RALGAPA1: variants seen among roughly 807,000 people sequenced by gnomAD.
RALGAPA1 encodes the protein Ral GTPase activating protein catalytic subunit alpha 1, also known as ral GTPase-activating protein subunit alpha-1.
Under a neutral mutation model 269.6 loss-of-function variants are expected in RALGAPA1, and 52 were observed. That is an observed-to-expected ratio of 0.19 (90% CI 0.15 to 0.24). RALGAPA1 has a LOEUF of 0.24. Ranked by LOEUF, RALGAPA1 falls within the 10% of genes least tolerant of loss-of-function variation. The pLI is 1.00. For synonymous variants in RALGAPA1, 817 were observed against 1,008.3 expected, an observed-to-expected ratio of 0.81 and a Z score of 3.60; for missense variants, 1,917 against 3,013.9, an observed-to-expected ratio of 0.64 and a Z score of 8.52.
intron 26 of RALGAPA1, among the ~76,000 whole-genome samples, chr14:35,668,482 CAA>C (rs1337456931): frequency 3.2e-5 from 4 of 126,188 alleles, no homozygotes; most frequent in Non-Finnish European, 5.1e-5. Context: ...GATTTTGTCT[CAA>C]AAAAAAAAAA....
At chr14:35,806,468 C>T (rs1044283585) in intron 1 of RALGAPA1, among the ~76,000 whole-genome samples, 1 of 152,124 alleles carries the variant, frequency 6.6e-6, no homozygotes, top group African/African-American at 2.4e-5. Context: ...TATCAATAAA[C>T]ATACCAGATT....
rs754846574 is a variant in RALGAPA1 at position 35,627,102 on chromosome 14, G to A, written c.6845C>T (p.Ser2282Phe). Reference sequence around the variant, plus strand: ...CCCTTATGCTTACCGTTTGTCCCAGGAATTCATTCCCAATATACTAAGAAG... The same window carrying A: ...CCCTTATGCTTACCGTTTGTCCCAGAAATTCATTCCCAATATACTAAGAAG... ...RLLLSILGMN[S>F]WDKRRSFHLL... Residue 2282 changes from serine to phenylalanine, a missense_variant, in exon 34 of 42, where the codon TCC becomes TTC. By Grantham distance (155) the Ser-to-Phe change is radical. Transcript: ENST00000680220. The A allele has an allele frequency of 9.8e-6, 15 of 1,527,980 alleles. No individual in the cohort carries two copies. Among genetic ancestry groups the A allele is most frequent in the East Asian group, 2.3e-5 (1 of 43,210 alleles). The allele number at this position is 1,527,980 out of a possible 1,614,324, so 94.7% of individuals were successfully genotyped here.
In RALGAPA1 at chr14:35,572,716, C is replaced by T; in HGVS notation, c.7212G>A (p.Leu2404=). 1 of 1,596,534 alleles carries T rather than the reference C, an allele frequency of 6.3e-7. No homozygotes were observed. The highest frequency in any genetic ancestry group is 8.5e-7 in the Non-Finnish European group (1 of 1,172,912). Residue 2404 remains leucine (L), a splice_region_variant and synonymous_variant, in exon 38 of 42, where the codon TTG becomes TTA. Coordinates refer to ENST00000680220, the MANE Select transcript of RALGAPA1 (RefSeq NM_001346249.2). The part of the protein sequence containing the change: ...SDSDDSLTKK[L]RHLGNDEVHI... ...GCACTTCATCATTTCCCAAATGTCT[C>T]AACTGGAAAGACAAGAAAACAATTT...
At chr14:35,544,481 G>A (rs951725499) in intron 41 of RALGAPA1, among the ~76,000 whole-genome samples, 3 of 152,142 alleles carry the variant, frequency 2.0e-5, no homozygotes, top group African/African-American at 4.8e-5. Flanking sequence ...GTACAGTACC[G>A]AGCACAGTGT....
At chr14:35,655,030 T>G (rs1237109112) in intron 29 of RALGAPA1, among the ~76,000 whole-genome samples, 1 of 152,222 alleles carries the variant, frequency 6.6e-6, no homozygotes, top group Non-Finnish European at 1.5e-5. Context: ...ACACGCAGTT[T>G]ATATTATATA....
intron 10 of RALGAPA1, among the ~76,000 whole-genome samples, chr14:35,743,591 C>T (rs2071771517): frequency 6.6e-6 from 1 of 152,102 alleles, no homozygotes; most frequent in Non-Finnish European, 1.5e-5. Flanking sequence ...TCAAGTGGTT[C>T]TCCTGCCTCT....
At chr14:35,768,186 C>T (rs1453849749) in intron 4 of RALGAPA1, among the ~76,000 whole-genome samples, 2 of 152,156 alleles carry the variant, frequency 1.3e-5, no homozygotes, top group East Asian at 3.9e-4. Context: ...GATCCTCCTG[C>T]CTCAGCCTCC....
intron 27 of RALGAPA1, among the ~76,000 whole-genome samples, chr14:35,660,971 G>A (rs2063502298): frequency 6.6e-6 from 1 of 152,100 alleles, no homozygotes; most frequent in African/African-American, 2.4e-5. Context: ...GGGAGTGGGT[G>A]AAACAGGAAA....
At chr14:35,671,621 G>A (rs1044660887) in intron 25 of RALGAPA1, 104 bp from the exon 26 acceptor site, 1 of 552,604 alleles carries the variant, frequency 1.8e-6, no homozygotes, top group Non-Finnish European at 3.2e-6. Flanking sequence ...AATAAAAAAG[G>A]TAATTACTGT....
chr14:35,663,393 T>C (rs1406326588), intron 27 of RALGAPA1, among the ~76,000 whole-genome samples: 1 of 151,998 alleles, frequency 6.6e-6, no homozygotes, highest in Non-Finnish European at 1.5e-5. Context: ...AACTGGACTT[T>C]TTAAAACTTG....
At chr14:35,680,940 G>C (rs1441619074) in intron 21 of RALGAPA1, among the ~76,000 whole-genome samples, 1 of 152,006 alleles carries the variant, frequency 6.6e-6, no homozygotes, top group African/African-American at 2.4e-5. Context: ...ATCTATAATG[G>C]CTCACTTACT....
intron 32 of RALGAPA1, among the ~76,000 whole-genome samples, chr14:35,635,243 T>G (rs2061596741): frequency 6.6e-6 from 1 of 152,094 alleles, no homozygotes; most frequent in African/African-American, 2.4e-5. Flanking sequence ...TAAATTATAC[T>G]CATATGTAAC....
chr14:35,606,237 T>G (rs926399164), intron 35 of RALGAPA1, among the ~76,000 whole-genome samples: 1 of 152,228 alleles, frequency 6.6e-6, no homozygotes, highest in Non-Finnish European at 1.5e-5. Flanking sequence ...TAGGCAATTC[T>G]GTTATTGTGT....
intron 30 of RALGAPA1, among the ~76,000 whole-genome samples, chr14:35,652,151 A>G (rs563434913): frequency 6.6e-6 from 1 of 152,294 alleles, no homozygotes; most frequent in African/African-American, 2.4e-5. Flanking sequence ...GTAAATCACT[A>G]TGTACAAACA....
At chr14:35,577,586 T>G (rs2057661327) in intron 37 of RALGAPA1, among the ~76,000 whole-genome samples, 1 of 152,184 alleles carries the variant, frequency 6.6e-6, no homozygotes, top group African/African-American at 2.4e-5. Flanking sequence ...CAGTCTATGG[T>G]ATTTTTGTTA....
At position 35,750,604 on chromosome 14, in the gene RALGAPA1, G is replaced by T. The variant is rs201001637; in HGVS notation, c.889C>A (p.Pro297Thr). 9.6e-5 allele frequency: 155 copies of T among 1,613,072 alleles called. No individual in the cohort carries two copies. The East Asian group carries it at 3.4e-3, about 36-fold the overall frequency. The change falls in exon 9 of 42, where the codon CCT becomes ACT. Residue 297 changes from proline (P) to threonine (T), a missense_variant. Physicochemically the swap from Pro to Thr is conservative, Grantham distance 38. This residue lies in a region of RALGAPA1 where 462 missense variants were observed against 725.6 expected (regional missense o/e 0.64). Coordinates refer to ENST00000680220, the MANE Select transcript of RALGAPA1 (RefSeq NM_001346249.2). ...ACAATAACACGAGCCTTAATGAAAG[G>T]CTCCTTTGTACAATAGATTGCTTCA... The part of the protein sequence containing the change: ...TNEAIYCTKE[P>T]FIKARVIVIR...
At chr14:35,648,542 G>A (rs1053442755) in intron 31 of RALGAPA1, among the ~76,000 whole-genome samples, 5 of 152,026 alleles carry the variant, frequency 3.3e-5, no homozygotes, top group Admixed American at 3.3e-4. Context: ...CAGCACTTAG[G>A]GAGGCCAAGG....
intron 1 of RALGAPA1, among the ~76,000 whole-genome samples, chr14:35,781,045 C>T (rs1474087728): frequency 6.6e-6 from 1 of 151,744 alleles, no homozygotes; most frequent in Non-Finnish European, 1.5e-5. Context: ...GAAATAGAGA[C>T]CCCCCAAAAA....
chr14:35,740,395 A>G lies in RALGAPA1; in HGVS notation c.1450-1745T>C, dbSNP rs1031283449. On this transcript the variant is annotated intron_variant, in intron 11 of 41. Coordinates refer to ENST00000680220, the MANE Select transcript of RALGAPA1 (RefSeq NM_001346249.2). ...AAAGATACCACTGGAATTTAATGAAATAGGACAGAGAATGCTAAGCATCCT... is the reference window on the plus strand; with the variant it reads ...AAAGATACCACTGGAATTTAATGAAGTAGGACAGAGAATGCTAAGCATCCT... 8.5e-5 allele frequency among the ~76,000 whole-genome samples: 13 copies of G among 152,356 alleles called. No homozygotes were observed. In the East Asian group the frequency reaches 2.3e-3, roughly 27 times the overall value.
Sources: allele counts gnomAD v4.1 joint callset (sites outside exome capture counted in the v4.1 genomes callset), GRCh38; gene constraint gnomAD v4.1.1; regional missense constraint gnomAD v4.1.1; transcripts MANE v1.5; gene names NCBI Gene and HGNC (gene_info 2026-07-23, HGNC 2026-07-21).